The following ARID2 variants were observed in gnomAD, a reference collection of about 807,000 sequenced individuals.
ARID2 encodes AT-rich interactive domain-containing protein 2.
In ARID2, 32 loss-of-function variants were observed where a neutral mutation model predicts 184.6. That is an observed-to-expected ratio of 0.17 (90% CI 0.13 to 0.23). The LOEUF (loss-of-function observed/expected upper bound fraction) is 0.23. Ranked by LOEUF, ARID2 falls within the 10% of genes least tolerant of loss-of-function variation. The probability of loss-of-function intolerance (pLI) is 1.00; values close to 1 mark genes in which losing one functional copy is unlikely to be tolerated. For missense variants in ARID2, 1,696 were observed against 2,197.6 expected, an observed-to-expected ratio of 0.77 and a Z score of 4.56; for synonymous variants, 836 against 772.6, an observed-to-expected ratio of 1.08 and a Z score of -1.36.
intron 3 of ARID2, among the ~76,000 whole-genome samples, chr12:45,739,438 C>CTTTTTT (rs71067906): frequency 2.6e-4 from 24 of 90,750 alleles, no homozygotes; most frequent in African/African-American, 3.2e-4. Context: ...TATAAAGTTA[C>CTTTTTT]TTTTTTTTTT....
intron 16 of ARID2, among the ~76,000 whole-genome samples, chr12:45,886,050 A>G (rs1462549957): frequency 1.3e-5 from 2 of 152,168 alleles, no homozygotes; most frequent in Admixed American, 1.3e-4. Context: ...TCATTAACCA[A>G]AAAGTCCAAG....
chr12:45,895,139 T>C (rs539360834), intron 20 of ARID2, among the ~76,000 whole-genome samples: 30 of 152,376 alleles, frequency 2.0e-4, no homozygotes, highest in Non-Finnish European at 4.4e-4. Context: ...TTAATCTCAT[T>C]GTTTTGAAAA....
Position 45,804,275 on chromosome 12 carries a change from T to TC in ARID2, c.285-7141dup, listed in dbSNP as rs371768562. Among the ~76,000 whole-genome samples, 148 of 152,270 alleles carry TC rather than the reference T, an allele frequency of 9.7e-4. 4 individuals are homozygous for TC. Among genetic ancestry groups the TC allele is most frequent in the African/African-American group, 3.4e-3 (143 of 41,578 alleles). ...GATTCTTCATTAATTAAATTTTTTT[T>TC]CCAGCAAAGCATGCGGCTTCATTTT... On this transcript the variant is annotated intron_variant, in intron 3 of 20. Coordinates refer to ENST00000334344, the MANE Select transcript of ARID2 (RefSeq NM_152641.4).
chr12:45,877,915 C>G (rs1944037528), intron 16 of ARID2, among the ~76,000 whole-genome samples: 1 of 152,166 alleles, frequency 6.6e-6, no homozygotes, highest in Admixed American at 6.5e-5. Context: ...AGCAAGTCTC[C>G]TGGTGCATAT....
At position 45,852,387 on chromosome 12, in the gene ARID2, A is replaced by G. The variant is rs2138178393; in HGVS notation, c.4264A>G (p.Thr1422Ala). 2 of 1,614,198 alleles carry G rather than the reference A, an allele frequency of 1.2e-6. No homozygotes were observed. Among genetic ancestry groups the G allele is most frequent in the Non-Finnish European group, 1.7e-6 (2 of 1,180,014 alleles). Residue 1422 changes from threonine (T) to alanine (A), a missense_variant, in exon 15 of 21, where the codon ACT becomes GCT. By Grantham distance (58) the Thr-to-Ala change is moderately conservative. Around this residue, in one of 11 missense-constraint regions of ARID2, gnomAD observed 428 missense variants for 409.1 expected, o/e 1.05. Transcript: ENST00000334344. The stretch of plus-strand genomic sequence containing the variant: ...AAGAATTTCTAATGGACCTGTATTA[A>G]CTTTGGGTGGTTCATCTGTGAGCAG... ...LERISNGPVLTLGGSSVSSIQ... is the reference protein window; with the variant it reads ...LERISNGPVLALGGSSVSSIQ...
chr12:45,767,277 C>G (rs1222380841), intron 3 of ARID2, among the ~76,000 whole-genome samples: 2 of 151,980 alleles, frequency 1.3e-5, no homozygotes, highest in East Asian at 3.9e-4. Flanking sequence ...TTTATGTATT[C>G]TGAATATTAC....
chr12:45,823,300 A>G (rs995315940), intron 6 of ARID2, among the ~76,000 whole-genome samples: 7 of 152,152 alleles, frequency 4.6e-5, no homozygotes, highest in Non-Finnish European at 1.0e-4. Flanking sequence ...ATACAGCAGA[A>G]GCAGTCCTAA....
At chr12:45,899,633 T>TTATATATATATATTTGGTTA (rs1944421361) in intron 20 of ARID2, among the ~76,000 whole-genome samples, 1 of 134,758 alleles carries the variant, frequency 7.4e-6, no homozygotes, top group African/African-American at 2.8e-5. Context: ...ATATATTTGG[T>TTATATATATATATTTGGTTA]TATATATATA....
At chr12:45,839,568 A>G in intron 11 of ARID2, 72 bp downstream of exon 11, 1 of 1,511,744 alleles carries the variant, frequency 6.6e-7, no homozygotes, top group Non-Finnish European at 8.9e-7. Context: ...AATAAATTTC[A>G]ATGTGCAGTA....
chr12:45,902,765 G>A (rs997011981), intron 20 of ARID2, among the ~76,000 whole-genome samples: 1 of 151,768 alleles, frequency 6.6e-6, no homozygotes, highest in Non-Finnish European at 1.5e-5. Context: ...GGCTGGTCTC[G>A]AACTCCTGAC....
intron 3 of ARID2, among the ~76,000 whole-genome samples, chr12:45,733,706 A>G (rs1053062346): frequency 7.2e-5 from 11 of 152,320 alleles, no homozygotes; most frequent in Admixed American, 3.3e-4. Flanking sequence ...ATTACAGATA[A>G]TTTAAATTAG....
chr12:45,871,393 T>C (rs1411995518), intron 16 of ARID2, among the ~76,000 whole-genome samples: 3 of 152,206 alleles, frequency 2.0e-5, no homozygotes, highest in Non-Finnish European at 4.4e-5. Context: ...ATTTTTTGTC[T>C]TGTGAATGTG....
At chr12:45,756,740 G>T (rs1466224546) in intron 3 of ARID2, among the ~76,000 whole-genome samples, 1 of 152,198 alleles carries the variant, frequency 6.6e-6, no homozygotes, top group East Asian at 1.9e-4. Context: ...GCTGAGGCGG[G>T]AGGATTGCTT....
chr12:45,733,286 G>GTCTA (rs1768589211), intron 3 of ARID2, among the ~76,000 whole-genome samples: 2 of 152,134 alleles, frequency 1.3e-5, no homozygotes, highest in African/African-American at 4.8e-5. Context: ...TTTCCTGGTG[G>GTCTA]TCTAATATTG....
chr12:45,750,661 C>T (rs188210852), intron 3 of ARID2, among the ~76,000 whole-genome samples: 129 of 152,158 alleles, frequency 8.5e-4, no homozygotes, highest in African/African-American at 3.0e-3. Context: ...AACATGGATA[C>T]GATTAATACA....
At chr12:45,838,505 C>T (rs1417562139) in intron 10 of ARID2, among the ~76,000 whole-genome samples, 2 of 152,164 alleles carry the variant, frequency 1.3e-5, no homozygotes, top group East Asian at 3.9e-4. Context: ...TGGTGGCTCA[C>T]ACCTGTAATC....
rs567154938 is a variant in ARID2, at chr12:45,907,953, C to T, written c.*2875C>T. ...ATGAGACTCAGTAATCCAACCCACA[C>T]CTGAGAACTCGTCTCATTACTTTAT... On this transcript the variant is annotated 3_prime_UTR_variant, in exon 21 of 21. Transcript: ENST00000334344. 86 of 231,314 alleles carry T rather than the reference C, an allele frequency of 3.7e-4. No homozygotes were observed. The highest frequency in any genetic ancestry group is 1.8e-3 in the African/African-American group (83 of 45,336). 14.3% of individuals were successfully genotyped at this position (231,314 alleles called of 1,614,324 possible). A position where few individuals can be genotyped will look rare whatever the true frequency, so the allele number is the denominator to read the frequency against.
intron 3 of ARID2, among the ~76,000 whole-genome samples, chr12:45,765,936 G>A (rs773482164): frequency 1.2e-4 from 18 of 151,970 alleles, no homozygotes; most frequent in Non-Finnish European, 2.4e-4. Flanking sequence ...CATACAATTT[G>A]TACTCTTTTA....
At chr12:45,844,628 T>A (rs1448658682) in intron 11 of ARID2, among the ~76,000 whole-genome samples, 2 of 152,344 alleles carry the variant, frequency 1.3e-5, no homozygotes, top group Admixed American at 1.3e-4. Context: ...CACGTTACAC[T>A]ATAACAATAA....
Sources: allele counts gnomAD v4.1 joint callset (sites outside exome capture counted in the v4.1 genomes callset), GRCh38; gene constraint gnomAD v4.1.1; regional missense constraint gnomAD v4.1.1; transcripts MANE v1.5; gene names NCBI Gene and HGNC (gene_info 2026-07-23, HGNC 2026-07-21).